Variants in C4orf50 observed in about 807,000 individuals in gnomAD.
The protein encoded by C4orf50 is chromosome 4 open reading frame 50.
In C4orf50, 80 loss-of-function variants were observed where a neutral mutation model predicts 77.2. The observed-to-expected ratio is 1.04, with a 90% CI of 0.87 to 1.25. The LOEUF (loss-of-function observed/expected upper bound fraction) is 1.25. C4orf50 is among the 50% of genes most tolerant of loss of function. The pLI is 0.00. For synonymous variants in C4orf50, 532 were observed against 465.3 expected (o/e 1.14, Z -1.84); for missense variants, 1,257 against 1,152.9 (o/e 1.09, Z -1.31).
chr4:5,992,439 G>T lies in C4orf50; in HGVS notation c.1221+364C>A, dbSNP rs1721341744. Among the ~76,000 whole-genome samples the T allele has an allele frequency of 6.6e-6, 1 of 152,054 alleles. No individual in the cohort carries two copies. Among genetic ancestry groups the T allele is most frequent in the Admixed American group, 6.5e-5 (1 of 15,272 alleles). ...TGGGCCGTCGAGCCTGGATCTCGGG[G>T]TCCACCTCCAAGCTGGGGACCTTGG... On this transcript the variant is annotated intron_variant, in intron 27 of 33. Coordinates refer to ENST00000531445, the Ensembl canonical transcript of C4orf50. The surrounding 1 kb of genome is among the most constrained non-coding windows in gnomAD (Gnocchi z 5.0).
intron 7 of C4orf50, among the ~76,000 whole-genome samples, chr4:5,941,726 C>A (rs1718275412): frequency 6.6e-6 from 1 of 152,154 alleles, no homozygotes; most frequent in African/African-American, 2.4e-5. Context: ...CTCACTGCAG[C>A]CTTGTCCCCA....
chr4:5,980,282 C>G (rs1271972704), exon 29 of C4orf50: 20 of 1,612,932 alleles, frequency 1.2e-5, no homozygotes, highest in Non-Finnish European at 1.6e-5. Flanking sequence ...GGTGATGGAG[C>G]TGCTGGGCCC....
Position 6,011,985 on chromosome 4 carries a change from A to G in C4orf50, c.288-17T>C. On this transcript the variant is annotated splice_polypyrimidine_tract_variant and intron_variant, in intron 23 of 33. Coordinates refer to ENST00000531445, the Ensembl canonical transcript of C4orf50. This position sits in a 1 kb window ranked among gnomAD's most constrained non-coding sequence, Gnocchi z 4.2. ...TCCTGAATTCTGCAGCATGAAAAGC[A>G]GGGAGGCACTTGCTCAGGGTGCAGT... 2.5e-6 allele frequency: 1 copy of G among 399,042 alleles called. No individual in the cohort carries two copies. The highest frequency in any genetic ancestry group is 4.4e-6 in the Non-Finnish European group (1 of 226,074). 24.7% of individuals were successfully genotyped at this position (399,042 alleles called of 1,614,324 possible). A position where few individuals can be genotyped will look rare whatever the true frequency, so the allele number is the denominator to read the frequency against.
intron 7 of C4orf50, among the ~76,000 whole-genome samples, chr4:5,927,451 G>C (rs1470368376): frequency 2.6e-5 from 4 of 151,782 alleles, no homozygotes; most frequent in Non-Finnish European, 4.4e-5. Flanking sequence ...GATATGGCTT[G>C]GCTCTGTGTC....
In C4orf50 at chr4:6,008,374, C is replaced by T; in HGVS notation, c.585G>A (p.Glu195=). The change falls in exon 25 of 34, where the codon GAG becomes GAA. Residue 195 remains glutamate (E), a synonymous_variant. Transcript: ENST00000531445. The surrounding 1 kb of genome is among the most constrained non-coding windows in gnomAD (Gnocchi z 6.0). ...GCTGCACCTGCTCCCGCAGGACGCG[C>T]TCCTGCTCCCGCACCAGGCCCAGCT... The T allele has an allele frequency of 2.5e-6, 1 of 392,916 alleles. No individual in the cohort carries two copies. The highest frequency in any genetic ancestry group is 4.5e-6 in the Non-Finnish European group (1 of 222,458). The allele number at this position is 392,916 out of a possible 1,614,324, so 24.3% of individuals were successfully genotyped here.
At chr4:5,959,336 T>C (rs768518080) in exon 34 of C4orf50, 12 of 1,591,902 alleles carry the variant, frequency 7.5e-6, no homozygotes, top group Non-Finnish European at 7.7e-6. Flanking sequence ...CAAATATTTA[T>C]GGAGTCTATG....
At position 5,969,415 on chromosome 4, in the gene C4orf50, G is replaced by A. The variant is rs1719771195; in HGVS notation, c.4105-1953C>T. 2.7e-5 allele frequency among the ~76,000 whole-genome samples: 4 copies of A among 149,164 alleles called. No homozygotes were observed. In the Admixed American group the frequency reaches 2.7e-4, roughly 10 times the overall value. ...TTCCATTTCCAAAAGCCCGCAACTA[G>A]ATCTCATTGACAAATACCCAGAGGA... On this transcript the variant is annotated intron_variant, in intron 31 of 33. Coordinates refer to ENST00000531445, the Ensembl canonical transcript of C4orf50.
At chr4:6,013,122 G>A (rs904904017) in intron 23 of C4orf50, among the ~76,000 whole-genome samples, 7 of 152,166 alleles carry the variant, frequency 4.6e-5, no homozygotes, top group African/African-American at 1.7e-4. Flanking sequence ...TTGTTCAGTA[G>A]GTTTTCATGA....
Position 5,970,024 on chromosome 4 carries a change from C to T in C4orf50, c.4105-2562G>A, listed in dbSNP as rs977927907. Among the ~76,000 whole-genome samples the T allele has an allele frequency of 2.0e-5, 3 of 152,094 alleles. No homozygotes were observed. Among genetic ancestry groups the T allele is most frequent in the African/African-American group, 7.2e-5 (3 of 41,416 alleles). ...AACCCTCTTCTCCTCTCCTTTGGTA[C>T]CCGGGCCTCTGCCTCCAAGGTCTCA... On this transcript the variant is annotated intron_variant, in intron 31 of 33. Transcript: ENST00000531445. The surrounding 1 kb of genome is among the most constrained non-coding windows in gnomAD (Gnocchi z 4.3).
chr4:5,946,025 T>G (rs1033556821), intron 7 of C4orf50, among the ~76,000 whole-genome samples: 1 of 152,194 alleles, frequency 6.6e-6, no homozygotes, highest in African/African-American at 2.4e-5. Context: ...CTCCACCCCA[T>G]CAGGAGTAGG....
rs566683142 is a variant in C4orf50 at position 6,018,383 on chromosome 4, T to G, written c.49A>C (p.Ile17Leu). The G allele has an allele frequency of 7.5e-6, 3 of 398,954 alleles. No individual in the cohort carries two copies. The highest frequency in any genetic ancestry group is 4.1e-5 in the African/African-American group (2 of 48,638). 24.7% of individuals were successfully genotyped at this position (398,954 alleles called of 1,614,324 possible). The change falls in exon 23 of 34, where the codon ATC becomes CTC. Residue 17 changes from isoleucine to leucine, a missense_variant. Transcript: ENST00000531445. This position sits in a 1 kb window ranked among gnomAD's most constrained non-coding sequence, Gnocchi z 5.1. ...AACCCCTCACTGCTGGGGGCTCTGATGACGTAGCTGAAACTCTCCTCAGTC... is the reference window on the plus strand; with the variant it reads ...AACCCCTCACTGCTGGGGGCTCTGAGGACGTAGCTGAAACTCTCCTCAGTC...
chr4:5,975,305 T>C (rs555163363), intron 30 of C4orf50, among the ~76,000 whole-genome samples: 6 of 151,952 alleles, frequency 3.9e-5, no homozygotes, highest in African/African-American at 1.4e-4. Context: ...CACCCCAGCA[T>C]GAAAAGTGCA....
chr4:5,914,648 C>T (rs577563613), intron 7 of C4orf50, among the ~76,000 whole-genome samples: 108 of 152,178 alleles, frequency 7.1e-4, no homozygotes, highest in Non-Finnish European at 1.3e-3. Context: ...ACAAAGCCAG[C>T]AGATCTATCT....
Position 5,958,525 on chromosome 4 carries a change from G to C in C4orf50, c.*850C>G, listed in dbSNP as rs1338908654. On this transcript the variant is annotated 3_prime_UTR_variant, in exon 34 of 34. Coordinates refer to ENST00000531445, the Ensembl canonical transcript of C4orf50. The surrounding 1 kb of genome is among the most constrained non-coding windows in gnomAD (Gnocchi z 5.4). ...CCAGTTGTCCCAAGCCAAGTAGAAC[G>C]GACCCTTACCTTCATCCCGTTGCTC... is the stretch of plus-strand genomic sequence containing the variant. The C allele has an allele frequency of 6.6e-6, 1 of 152,228 alleles. No individual in the cohort carries two copies. Among genetic ancestry groups the C allele is most frequent in the South Asian group, 2.1e-4 (1 of 4,804 alleles). 9.4% of individuals were successfully genotyped at this position (152,228 alleles called of 1,614,324 possible).
At chr4:5,904,206 T>C (rs1716451167) in intron 7 of C4orf50, 1 of 152,258 alleles carries the variant, frequency 6.6e-6, no homozygotes, top group Non-Finnish European at 1.5e-5. Flanking sequence ...CACAGGTCCC[T>C]GTCAGGCCCC....
intron 23 of C4orf50, among the ~76,000 whole-genome samples, chr4:6,012,523 C>G (rs573526674): frequency 2.6e-5 from 4 of 152,148 alleles, no homozygotes; most frequent in Non-Finnish European, 4.4e-5. Context: ...TTCAGAAAAA[C>G]GTTTCTGCAA....
chr4:5,995,400 C>T (rs975234088), intron 25 of C4orf50, among the ~76,000 whole-genome samples: 4 of 151,956 alleles, frequency 2.6e-5, no homozygotes, highest in Non-Finnish European at 5.9e-5. Flanking sequence ...CCCCAGCTGC[C>T]GCCCTGCTGC....
chr4:5,979,588 G>A (rs1720459353), intron 29 of C4orf50, among the ~76,000 whole-genome samples: 1 of 152,260 alleles, frequency 6.6e-6, no homozygotes, highest in African/African-American at 2.4e-5. Flanking sequence ...AAGATTTGCA[G>A]ACAGTTGTAA....
At chr4:5,968,577 C>T (rs1410139033) in intron 31 of C4orf50, among the ~76,000 whole-genome samples, 1 of 152,192 alleles carries the variant, frequency 6.6e-6, no homozygotes, top group Non-Finnish European at 1.5e-5. Context: ...TGTGTCCACT[C>T]AGGTCCCGCA....
Sources: gnomAD v4.1 joint callset for allele counts (sites outside exome capture counted in the v4.1 genomes callset) on GRCh38, gnomAD v4.1.1 for gene constraint, Gnocchi (gnomAD v3.1) non-coding constraint, MANE v1.5 for transcripts, NCBI Gene and HGNC (gene_info 2026-07-23, HGNC 2026-07-21) for gene names.